Variants in DNAAF3 observed in about 807,000 individuals in gnomAD.
DNAAF3 encodes dynein axonemal assembly factor 3, also known as UPF0470 protein C19orf51.
A neutral mutation model predicts 50.9 loss-of-function variants in DNAAF3; 40 were observed. The observed-to-expected ratio is 0.79, with a 90% CI of 0.61 to 1.02. The LOEUF is 1.02. DNAAF3 is among the 50% of genes least tolerant of loss of function. The pLI, the probability that DNAAF3 is intolerant of heterozygous loss-of-function variation, is 0.00. For synonymous variants in DNAAF3, 327 were observed against 322.8 expected (o/e 1.01, Z -0.14); for missense variants, 763 against 744.7 (o/e 1.02, Z -0.29).
At chr19:55,162,889 C>T (rs1316672380) in intron 4 of DNAAF3, 1 of 167,586 alleles carries the variant, frequency 6.0e-6, no homozygotes, top group African/African-American at 2.4e-5. Context: ...ACTGTTACCT[C>T]GACCACCTGA....
At chr19:55,163,517 C>T (rs552056965) in intron 4 of DNAAF3, among the ~76,000 whole-genome samples, 131 of 151,856 alleles carry the variant, frequency 8.6e-4, no homozygotes, top group African/African-American at 2.3e-3. Context: ...GTCTCAAACT[C>T]GTGGTCTCAA....
chr19:55,159,064 AGACTCCAGTTTTGGAGTCT>A lies in DNAAF3; in HGVS notation c.1605_1623del (p.Ser537ProfsTer16), dbSNP rs1224312834. The A allele has an allele frequency of 6.3e-7, 1 of 1,585,184 alleles. No individual in the cohort carries two copies. ...ATAAGGGGTGTCTAGGGGTTGGGTCAGACTCCAGTTTTGGAGTCTGACTCACAGTTGGGCGGAGCCAAGG... is the reference window on the plus strand; with the variant it reads ...ATAAGGGGTGTCTAGGGGTTGGGTCAGACTCACAGTTGGGCGGAGCCAAGG... On this transcript the variant is annotated frameshift_variant, in exon 12 of 12. Transcript: ENST00000524407. LOFTEE classifies it high-confidence loss of function.
Position 55,160,958 on chromosome 19 carries a change from C to CGGGCGGGGTCTGGAGCTGG in DNAAF3, c.912+88_912+106dup. 6.9e-7 allele frequency: 1 copy of CGGGCGGGGTCTGGAGCTGG among 1,451,402 alleles called. No homozygotes were observed. Among genetic ancestry groups the CGGGCGGGGTCTGGAGCTGG allele is most frequent in the Non-Finnish European group, 9.1e-7 (1 of 1,104,546 alleles). 89.9% of individuals were successfully genotyped at this position (1,451,402 alleles called of 1,614,324 possible). On this transcript the variant is annotated intron_variant, in intron 8 of 11. Coordinates refer to ENST00000524407, the MANE Select transcript of DNAAF3 (RefSeq NM_001256715.2). The surrounding 1 kb of genome is among the most constrained non-coding windows in gnomAD (Gnocchi z 4.7). Reference sequence around the variant, plus strand: ...GAATGGAGTCGTTCCCACCAAGCGACGGGCGGGGTCTGGAGCTGGGGGCGG... The same window carrying CGGGCGGGGTCTGGAGCTGG: ...GAATGGAGTCGTTCCCACCAAGCGACGGGCGGGGTCTGGAGCTGGGGGCGGGGTCTGGAGCTGGGGGCGG...
chr19:55,165,911 G>A lies in DNAAF3; in HGVS notation c.175C>T (p.His59Tyr). 6.2e-7 allele frequency: 1 copy of A among 1,614,232 alleles called. No individual in the cohort carries two copies. The highest frequency in any genetic ancestry group is 2.2e-5 in the East Asian group (1 of 44,892). The change falls in exon 3 of 12, where the codon CAC (histidine) becomes TAC (tyrosine). Residue 59 changes from histidine (H) to tyrosine (Y), a missense_variant. Physicochemically the swap from His to Tyr is moderately conservative, Grantham distance 83 (BLOSUM62 2). Transcript: ENST00000524407. ...VLLLGSVDGR[H>Y]LLRTLSRAKF... ...GCTCGGGACAGGGTCCGCAGCAGGT[G>A]CCGTCCATCCACAGAGCCCAGAAGC... is the stretch of plus-strand genomic sequence containing the variant.
rs1201627060 is a variant in DNAAF3, at chr19:55,166,606, C to CTTTT, written c.-89_-88insAAAA. ...ACCCGCGGCACTCCACAACCGCTGC[C>CTTTT]CAGAGTCCCCGCCCTTTTCGAGGAA... On this transcript the variant is annotated 5_prime_UTR_variant, in exon 1 of 12. Transcript: ENST00000524407. This position sits in a 1 kb window ranked among gnomAD's most constrained non-coding sequence, Gnocchi z 4.0. 6 of 1,613,996 alleles carry CTTTT rather than the reference C, an allele frequency of 3.7e-6. No individual in the cohort carries two copies. Among genetic ancestry groups the CTTTT allele is most frequent in the Non-Finnish European group, 5.1e-6 (6 of 1,180,004 alleles).
Position 55,161,923 on chromosome 19 carries a change from A to G in DNAAF3, c.481-98T>C, listed in dbSNP as rs1191206402. ...CTCTCTTCCATCCCAGAACAGGGGA[A>G]CGATTCCCCCGTTTCTCGGATGGAA... On this transcript the variant is annotated intron_variant, in intron 5 of 11. Transcript: ENST00000524407. The surrounding 1 kb of genome is among the most constrained non-coding windows in gnomAD (Gnocchi z 6.4). The G allele has an allele frequency of 1.1e-5, 15 of 1,345,192 alleles. No individual in the cohort carries two copies. Among genetic ancestry groups the G allele is most frequent in the Non-Finnish European group, 1.3e-5 (14 of 1,048,948 alleles). The allele number at this position is 1,345,192 out of a possible 1,614,324, so 83.3% of individuals were successfully genotyped here. A position where few individuals can be genotyped will look rare whatever the true frequency, so the allele number is the denominator to read the frequency against.
Position 55,166,317 on chromosome 19 carries a change from G to A in DNAAF3, c.85+12C>T. On this transcript the variant is annotated intron_variant, in intron 2 of 11. Transcript: ENST00000524407. The surrounding 1 kb of genome is among the most constrained non-coding windows in gnomAD (Gnocchi z 4.0). ...GCAGACGGTGTATCAGACCTTGCGT[G>A]CTGGGACTCACTTTCAGCCTGCAGG... The A allele has an allele frequency of 6.2e-7, 1 of 1,612,842 alleles. No individual in the cohort carries two copies.
In DNAAF3 at chr19:55,166,048, T is replaced by C. The variant is rs1483874945; in HGVS notation, c.86-48A>G. 1.3e-5 allele frequency: 21 copies of C among 1,613,780 alleles called. No homozygotes were observed. Among genetic ancestry groups the C allele is most frequent in the Non-Finnish European group, 1.7e-5 (20 of 1,179,972 alleles). ...GGGCACCATGGTGGTTGGCAGAGCG[T>C]CCACCGTAGCATCCCCTATAAAAAA... On this transcript the variant is annotated intron_variant, in intron 2 of 11. Transcript: ENST00000524407. This position sits in a 1 kb window ranked among gnomAD's most constrained non-coding sequence, Gnocchi z 4.0.
intron 4 of DNAAF3, among the ~76,000 whole-genome samples, chr19:55,163,791 G>T (rs907666975): frequency 6.6e-6 from 1 of 152,148 alleles, no homozygotes; most frequent in African/African-American, 2.4e-5. Context: ...TAGTAAAATA[G>T]ATCAGTTTAG....
rs755044326 is a variant in DNAAF3 at position 55,161,730 on chromosome 19, C to G, written c.576G>C (p.Ser192=). 62 of 1,540,244 alleles carry G rather than the reference C, an allele frequency of 4.0e-5. 1 individual carries two copies. In the South Asian group the frequency reaches 6.6e-4, roughly 16 times the overall value. The change falls in exon 6 of 12, where the codon TCG becomes TCC. Residue 192 remains serine, a synonymous_variant. Transcript: ENST00000524407. This position sits in a 1 kb window ranked among gnomAD's most constrained non-coding sequence, Gnocchi z 6.4. ...GGGAGCCCAGGTAGTGGCGCAGGCG[C>G]GAGTCCCAGAGGCGGCTCATGGGGA... The part of the protein sequence containing the change: ...QAFPMSRLWD[S]RLRHYLGSRY...
Position 55,160,032 on chromosome 19 carries a change from G to A in DNAAF3, c.1049-19C>T. The A allele has an allele frequency of 6.5e-7, 1 of 1,527,034 alleles. No homozygotes were observed. Among genetic ancestry groups the A allele is most frequent in the African/African-American group, 1.4e-5 (1 of 72,346 alleles). The allele number at this position is 1,527,034 out of a possible 1,614,324, so 94.6% of individuals were successfully genotyped here. ...GGGGCTGCTGGGGGAAGGGGATAGAGGGGTCACCTCTGACAGGCGGAGCCA... is the reference window on the plus strand; with the variant it reads ...GGGGCTGCTGGGGGAAGGGGATAGAAGGGTCACCTCTGACAGGCGGAGCCA... On this transcript the variant is annotated intron_variant, in intron 9 of 11. Coordinates refer to ENST00000524407, the MANE Select transcript of DNAAF3 (RefSeq NM_001256715.2). This position sits in a 1 kb window ranked among gnomAD's most constrained non-coding sequence, Gnocchi z 4.7.
intron 4 of DNAAF3, 197 bp from the exon 5 acceptor site, chr19:55,162,487 T>A: frequency 1.2e-6 from 1 of 817,780 alleles, no homozygotes; most frequent in Non-Finnish European, 1.6e-6. Flanking sequence ...CTCGGGAGGC[T>A]GAGGCAGGAG....
At chr19:55,159,810 G>A (rs1157630100) in intron 10 of DNAAF3, 89 bp downstream of exon 10, 1 of 1,361,344 alleles carries the variant, frequency 7.3e-7, no homozygotes, top group Non-Finnish European at 9.6e-7. Flanking sequence ...AGCAAGGAGG[G>A]GCTGGGGGCC....
At position 55,162,256 on chromosome 19, in the gene DNAAF3, G is replaced by A. The variant is rs1165524335; in HGVS notation, c.357C>T (p.Asn119=). 7.2e-6 allele frequency: 9 copies of A among 1,250,058 alleles called. No homozygotes were observed. The highest frequency in any genetic ancestry group is 9.1e-6 in the Non-Finnish European group (9 of 989,408). 77.4% of individuals were successfully genotyped at this position (1,250,058 alleles called of 1,614,324 possible). A position where few individuals can be genotyped will look rare whatever the true frequency, so the allele number is the denominator to read the frequency against. Residue 119 remains asparagine, a synonymous_variant, in exon 5 of 12, where the codon AAC becomes AAT. Transcript: ENST00000524407. The part of the protein sequence containing the change: ...RSETFLEVWG[N]ALLRPPVAAF... ...CGGCCACTGGCGGGCGCAGCAGCGC[G>A]TTCCCCCACACTTCCAGGAAGGTCT...
Position 55,165,971 on chromosome 19 carries a change from C to A in DNAAF3, c.115G>T (p.Asp39Tyr). The change falls in exon 3 of 12, where the codon GAT becomes TAT. Residue 39 changes from aspartate to tyrosine, a missense_variant. Physicochemically the swap from Asp to Tyr is radical, Grantham distance 160. Transcript: ENST00000524407. ...SPPVDPDSQA[D>Y]TVHSNPELDV... ...AGCTCGGGGTTGCTGTGCACTGTATCGGCCTGGGAGTCTGGGTCCACAGGA... is the reference window on the plus strand; with the variant it reads ...AGCTCGGGGTTGCTGTGCACTGTATAGGCCTGGGAGTCTGGGTCCACAGGA... The A allele has an allele frequency of 5.0e-6, 8 of 1,614,164 alleles. No individual in the cohort carries two copies. The highest frequency in any genetic ancestry group is 5.9e-6 in the Non-Finnish European group (7 of 1,180,014).
Position 55,166,060 on chromosome 19 carries a change from T to G in DNAAF3, c.86-60A>C, listed in dbSNP as rs771361438. The G allele has an allele frequency of 7.3e-5, 117 of 1,613,186 alleles. 1 individual carries two copies. Among genetic ancestry groups the G allele is most frequent in the Middle Eastern group, 1.6e-4 (1 of 6,082 alleles). On this transcript the variant is annotated intron_variant, in intron 2 of 11. Transcript: ENST00000524407. The surrounding 1 kb of genome is among the most constrained non-coding windows in gnomAD (Gnocchi z 4.0). The stretch of plus-strand genomic sequence containing the variant: ...GGTTGGCAGAGCGTCCACCGTAGCA[T>G]CCCCTATAAAAAATGGACTACAAAT...
At chr19:55,165,669 TAGAACCC>T in intron 3 of DNAAF3, 182 bp downstream of exon 3, 1 of 1,080,568 alleles carries the variant, frequency 9.3e-7, no homozygotes, top group African/African-American at 1.6e-5. Flanking sequence ...TTCCCCACTA[TAGAACCC>T]AGGAGTTCCA....
At position 55,160,001 on chromosome 19, in the gene DNAAF3, G is replaced by A. The variant is rs199556405; in HGVS notation, c.1061C>T (p.Pro354Leu). 48 of 1,612,814 alleles carry A rather than the reference G, an allele frequency of 3.0e-5. No individual in the cohort carries two copies. In the South Asian group the frequency reaches 4.1e-4, roughly 14 times the overall value. ...PEPGTPAAPT[P>L]ESFTVHFLPL... ...CAGGAAGTGGACGGTGAAAGATTCC[G>A]GGGTCGGGGCTGCTGGGGGAAGGGG... Residue 354 changes from proline (P) to leucine (L), a missense_variant, in exon 10 of 12, where the codon CCG becomes CTG. By Grantham distance (98) the Pro-to-Leu change is moderately conservative. Coordinates refer to ENST00000524407, the MANE Select transcript of DNAAF3 (RefSeq NM_001256715.2). The surrounding 1 kb of genome is among the most constrained non-coding windows in gnomAD (Gnocchi z 4.7).
In DNAAF3 at chr19:55,166,600, C is replaced by G. The variant is rs765853951; in HGVS notation, c.-82G>C. 4.3e-6 allele frequency: 7 copies of G among 1,614,170 alleles called. No homozygotes were observed. Among genetic ancestry groups the G allele is most frequent in the Admixed American group, 1.7e-5 (1 of 60,026 alleles). ...CTGTGGACCCGCGGCACTCCACAAC[C>G]GCTGCCCAGAGTCCCCGCCCTTTTC... On this transcript the variant is annotated 5_prime_UTR_variant, in exon 1 of 12. Coordinates refer to ENST00000524407, the MANE Select transcript of DNAAF3 (RefSeq NM_001256715.2). This position sits in a 1 kb window ranked among gnomAD's most constrained non-coding sequence, Gnocchi z 4.0.
Sources: allele counts gnomAD v4.1 joint callset (sites outside exome capture counted in the v4.1 genomes callset), GRCh38; gene constraint gnomAD v4.1.1; non-coding constraint Gnocchi (gnomAD v3.1); transcripts MANE v1.5; gene names NCBI Gene and HGNC (gene_info 2026-07-23, HGNC 2026-07-21).